Variants in NRXN3 observed in about 807,000 individuals in gnomAD.
The protein encoded by NRXN3 is neurexin III.
In NRXN3, 32 loss-of-function variants were observed where a neutral mutation model predicts 137.6. The ratio of observed to expected loss-of-function variants is 0.23; its 90% CI spans 0.18 to 0.31. The LOEUF (loss-of-function observed/expected upper bound fraction) is 0.31, where lower values mean the gene tolerates loss of function less well. NRXN3 is among the 10% of genes least tolerant of loss of function. The pLI, the probability that NRXN3 is intolerant of heterozygous loss-of-function variation, is 1.00. For missense variants in NRXN3, 1,574 were observed against 2,062.5 expected (o/e 0.76, Z 4.59); for synonymous variants, 798 against 784.5 (o/e 1.02, Z -0.29).
intron 2 of NRXN3, among the ~76,000 whole-genome samples, chr14:78,247,401 G>A (rs907689788): frequency 8.5e-5 from 13 of 152,154 alleles, no homozygotes; most frequent in African/African-American, 1.7e-4. Context: ...AGCTCTGGCC[G>A]CGGACTGAAT....
intron 10 of NRXN3, among the ~76,000 whole-genome samples, chr14:78,928,327 T>C (rs2099311910): frequency 6.6e-6 from 1 of 152,100 alleles, no homozygotes; most frequent in Admixed American, 6.6e-5. Context: ...TACTTTAAGT[T>C]TTAGGGTACA....
chr14:79,597,465 G>A (rs1048874413), intron 16 of NRXN3, among the ~76,000 whole-genome samples: 1 of 152,182 alleles, frequency 6.6e-6, no homozygotes, highest in South Asian at 2.1e-4. Context: ...AAGAGGGTTA[G>A]GTGGTTGCTT....
chr14:79,586,825 C>T (rs147451727), intron 16 of NRXN3, among the ~76,000 whole-genome samples: 27 of 152,306 alleles, frequency 1.8e-4, no homozygotes, highest in Non-Finnish European at 3.7e-4. Flanking sequence ...ACTTTCTTTA[C>T]ACCAGTAGTA....
intron 20 of NRXN3, among the ~76,000 whole-genome samples, chr14:79,825,961 A>G (rs1225034606): frequency 1.3e-5 from 2 of 151,948 alleles, no homozygotes; most frequent in Non-Finnish European, 1.5e-5. Context: ...TATGTGTCAC[A>G]TGTACCCCAA....
chr14:79,661,558 T>A (rs1380685196), intron 16 of NRXN3: 1 of 152,094 alleles, frequency 6.6e-6, no homozygotes, highest in Non-Finnish European at 1.5e-5. Flanking sequence ...CCAGTGTCCC[T>A]CCCTCCAGAA....
At chr14:78,391,414 G>A (rs905392988) in intron 4 of NRXN3, among the ~76,000 whole-genome samples, 1 of 152,176 alleles carries the variant, frequency 6.6e-6, no homozygotes, top group South Asian at 2.1e-4. Context: ...CTACTAAAGC[G>A]AGGCTTCAAC....
intron 6 of NRXN3, among the ~76,000 whole-genome samples, chr14:78,687,026 G>A (rs2098131586): frequency 6.6e-6 from 1 of 152,186 alleles, no homozygotes; most frequent in Non-Finnish European, 1.5e-5. Flanking sequence ...CAATGAGGGA[G>A]AAGATGATGG....
At chr14:78,889,047 A>G (rs796133992) in intron 10 of NRXN3, among the ~76,000 whole-genome samples, 1 of 152,006 alleles carries the variant, frequency 6.6e-6, no homozygotes, top group East Asian at 1.9e-4. Flanking sequence ...CATCTGAGAA[A>G]ATACCTTAGA....
chr14:78,385,267 T>A (rs924386316), intron 4 of NRXN3, among the ~76,000 whole-genome samples: 3 of 151,196 alleles, frequency 2.0e-5, no homozygotes, highest in Non-Finnish European at 2.9e-5. Flanking sequence ...TTTAAACTTC[T>A]TCCTATTTTC....
intron 20 of NRXN3, among the ~76,000 whole-genome samples, chr14:79,852,581 G>T (rs962673308): frequency 6.6e-6 from 1 of 151,850 alleles, no homozygotes; most frequent in Middle Eastern, 3.2e-3. Context: ...CAGACTGCAC[G>T]CCCTTTTTAT....
intron 15 of NRXN3, among the ~76,000 whole-genome samples, chr14:79,423,245 G>A (rs149629912): frequency 1.9e-4 from 29 of 152,204 alleles, no homozygotes; most frequent in African/African-American, 6.5e-4. Flanking sequence ...GCATATGGGG[G>A]TTTTAGTAAA....
chr14:78,891,805 T>C (rs534655090), intron 10 of NRXN3, among the ~76,000 whole-genome samples: 3 of 152,138 alleles, frequency 2.0e-5, no homozygotes, highest in African/African-American at 7.2e-5. Context: ...AATGTATGCG[T>C]CTGCAATAAA....
intron 4 of NRXN3, among the ~76,000 whole-genome samples, chr14:78,366,923 C>T (rs1216138507): frequency 6.6e-6 from 1 of 152,126 alleles, no homozygotes; most frequent in Non-Finnish European, 1.5e-5. Context: ...GAGTGAGCTC[C>T]TCAGCGTGGC....
intron 4 of NRXN3, among the ~76,000 whole-genome samples, chr14:78,531,589 A>C (rs1463528972): frequency 2.0e-5 from 3 of 151,572 alleles, no homozygotes; most frequent in Non-Finnish European, 4.4e-5. Flanking sequence ...CATCTGTGCC[A>C]ATCTGAACTG....
At chr14:79,443,948 A>T (rs1362365566) in intron 15 of NRXN3, among the ~76,000 whole-genome samples, 1 of 152,128 alleles carries the variant, frequency 6.6e-6, no homozygotes, top group Non-Finnish European at 1.5e-5. Flanking sequence ...CTTTTTATTA[A>T]CCCCATTATC....
At chr14:78,419,758 G>A (rs760029747) in intron 4 of NRXN3, among the ~76,000 whole-genome samples, 2 of 152,140 alleles carry the variant, frequency 1.3e-5, no homozygotes, top group Non-Finnish European at 2.9e-5. Flanking sequence ...CTAGAGACTG[G>A]GTGAAGGGGA....
intron 8 of NRXN3, among the ~76,000 whole-genome samples, chr14:78,717,962 T>C (rs1833963748): frequency 6.6e-6 from 1 of 152,226 alleles, no homozygotes; most frequent in South Asian, 2.1e-4. Flanking sequence ...CCAAGCTTTC[T>C]TGGATTTTAG....
intron 10 of NRXN3, among the ~76,000 whole-genome samples, chr14:78,843,799 G>A (rs983482955): frequency 4.6e-5 from 7 of 152,078 alleles, no homozygotes; most frequent in African/African-American, 1.4e-4. Flanking sequence ...TTCATATATA[G>A]GCTGAAGGAC....
chr14:79,386,983 T>TA (rs2094643824), intron 15 of NRXN3, among the ~76,000 whole-genome samples: 1 of 152,118 alleles, frequency 6.6e-6, no homozygotes. Flanking sequence ...ATGTTAGACC[T>TA]AAAACCATAA....
Sources: allele counts gnomAD v4.1 joint callset (sites outside exome capture counted in the v4.1 genomes callset), GRCh38; gene constraint gnomAD v4.1.1; transcripts MANE v1.5; gene names NCBI Gene and HGNC (gene_info 2026-07-23, HGNC 2026-07-21).